The following CD109 variants were observed in gnomAD, a reference collection of about 807,000 sequenced individuals.
The protein encoded by CD109 is CD109 molecule.
CD109 carries 149 observed loss-of-function variants against 165.8 expected under a neutral mutation model. That is an observed-to-expected ratio of 0.90 (90% CI 0.79 to 1.03). CD109 has a LOEUF of 1.03. Among genes scored for constraint, CD109 ranks in the 50% least tolerant of loss-of-function variants. The pLI, the probability that CD109 is intolerant of heterozygous loss-of-function variation, is 0.00. For missense variants in CD109, 1,712 were observed against 1,677.8 expected, an observed-to-expected ratio of 1.02 and a Z score of -0.36; for synonymous variants, 585 against 592.1, an observed-to-expected ratio of 0.99 and a Z score of 0.18.
At chr6:73,808,028 G>T in intron 25 of CD109, 55 bp from the exon 26 acceptor site, 1 of 1,505,524 alleles carries the variant, frequency 6.6e-7, no homozygotes, top group Non-Finnish European at 9.1e-7. Context: ...TTTTGTTTCA[G>T]TATGTGGTAA....
chr6:73,788,674 T>C lies in CD109; in HGVS notation c.2701+62T>C, dbSNP rs554121750. The C allele has an allele frequency of 2.8e-6, 4 of 1,435,134 alleles. No homozygotes were observed. The East Asian group carries it at 9.5e-5, about 34-fold the overall frequency. 88.9% of individuals were successfully genotyped at this position (1,435,134 alleles called of 1,614,324 possible). On this transcript the variant is annotated intron_variant, in intron 22 of 32. Coordinates refer to ENST00000287097, the MANE Select transcript of CD109 (RefSeq NM_133493.5). ...TGTATATGATCATATATGTTGTTCT[T>C]GTAATTATAGATGTATTTTCTTATT...
chr6:73,783,469 G>C (rs918937699), intron 18 of CD109, among the ~76,000 whole-genome samples: 6 of 152,136 alleles, frequency 3.9e-5, no homozygotes, highest in African/African-American at 1.4e-4. Flanking sequence ...AAATTTTGCA[G>C]GAAGATTTTA....
At chr6:73,753,304 G>A (rs1286887105) in intron 5 of CD109, among the ~76,000 whole-genome samples, 1 of 152,094 alleles carries the variant, frequency 6.6e-6, no homozygotes, top group African/African-American at 2.4e-5. Context: ...CAGTATCAGT[G>A]TTTTTGTGGT....
At chr6:73,797,002 T>C (rs1248604875) in intron 23 of CD109, among the ~76,000 whole-genome samples, 2 of 152,242 alleles carry the variant, frequency 1.3e-5, no homozygotes, top group Admixed American at 1.3e-4. Context: ...CTCTCTTTTT[T>C]CTTTTGCCAT....
intron 5 of CD109, among the ~76,000 whole-genome samples, chr6:73,747,905 A>T (rs1448181540): frequency 1.3e-5 from 2 of 150,984 alleles, no homozygotes; most frequent in East Asian, 3.9e-4. Flanking sequence ...TCCTACCCTG[A>T]GACAGAGTCT....
Position 73,781,331 on chromosome 6 carries a change from A to G in CD109, c.1963+12A>G. On this transcript the variant is annotated intron_variant, in intron 17 of 32. Coordinates refer to ENST00000287097, the MANE Select transcript of CD109 (RefSeq NM_133493.5). ...TATTGATGGTGTTTGTAAGTAATACATGGCGACATGCTTGTATTTGTCTTT... is the reference window on the plus strand; with the variant it reads ...TATTGATGGTGTTTGTAAGTAATACGTGGCGACATGCTTGTATTTGTCTTT... 4 of 1,605,322 alleles carry G rather than the reference A, an allele frequency of 2.5e-6. No individual in the cohort carries two copies. Among genetic ancestry groups the G allele is most frequent in the Non-Finnish European group, 3.4e-6 (4 of 1,172,212 alleles).
intron 23 of CD109, among the ~76,000 whole-genome samples, chr6:73,794,541 C>T (rs961428442): frequency 2.6e-5 from 4 of 152,112 alleles, no homozygotes; most frequent in African/African-American, 9.7e-5. Flanking sequence ...AGTAGATGAG[C>T]TGGAGTCAGT....
At chr6:73,739,364 T>C (rs1446210411) in intron 5 of CD109, among the ~76,000 whole-genome samples, 1 of 152,230 alleles carries the variant, frequency 6.6e-6, no homozygotes, top group East Asian at 1.9e-4. Context: ...TTTGTTTTTC[T>C]TTGACTACTG....
rs115222989 is a variant in CD109, at chr6:73,707,236, C to T, written c.247+9664C>T. 1.4e-3 allele frequency among the ~76,000 whole-genome samples: 219 copies of T among 152,160 alleles called. 2 individuals carry two copies. The highest frequency in any genetic ancestry group is 5.0e-3 in the African/African-American group (206 of 41,512). On this transcript the variant is annotated intron_variant, in intron 2 of 32. Coordinates refer to ENST00000287097, the MANE Select transcript of CD109 (RefSeq NM_133493.5). ...GTTGGGGAGTGTGGTATGAATGCTGCGAAGGATTCTGTAGCCCATCCATAA... is the reference window on the plus strand; with the variant it reads ...GTTGGGGAGTGTGGTATGAATGCTGTGAAGGATTCTGTAGCCCATCCATAA...
At chr6:73,690,784 A>ACACAAAG in the CD109 span, among the ~76,000 whole-genome samples, 3 of 152,236 alleles carry the variant, frequency 2.0e-5, no homozygotes, top group African/African-American at 7.2e-5. Flanking sequence ...GAAAAGTAGG[A>ACACAAAG]CACAAAGCAC....
At chr6:73,816,350 C>T (rs1475221478) in intron 30 of CD109, among the ~76,000 whole-genome samples, 2 of 152,176 alleles carry the variant, frequency 1.3e-5, no homozygotes, top group Non-Finnish European at 2.9e-5. Context: ...TAAACAATAA[C>T]AACCTACAGT....
At chr6:73,706,184 C>T (rs1332287692) in intron 2 of CD109, among the ~76,000 whole-genome samples, 1 of 152,128 alleles carries the variant, frequency 6.6e-6, no homozygotes, top group Non-Finnish European at 1.5e-5. Context: ...AACTTATTTA[C>T]CGACTTGTAA....
chr6:73,766,160 G>A lies in CD109; in HGVS notation c.1332+6G>A, dbSNP rs556126542. Reference sequence around the variant, plus strand: ...CCAGTGAGCTACAGTTGAAGGTGCCGTCTGTTTCCCATCATTGTGTCACTG... The same window carrying A: ...CCAGTGAGCTACAGTTGAAGGTGCCATCTGTTTCCCATCATTGTGTCACTG... On this transcript the variant is annotated splice_donor_region_variant and intron_variant, in intron 11 of 32. Transcript: ENST00000287097. 1.4e-5 allele frequency: 23 copies of A among 1,607,738 alleles called. No homozygotes were observed. Among genetic ancestry groups the A allele is most frequent in the Middle Eastern group, 1.7e-4 (1 of 6,050 alleles).
At chr6:73,695,003 A>T (rs1770770694), upstream of CD109, 1 of 152,238 alleles carries the variant, frequency 6.6e-6, no homozygotes, top group South Asian at 2.1e-4. Flanking sequence ...AAAGGGAGGA[A>T]AGCAAGTTTC....
chr6:73,771,532 AC>A lies in CD109; in HGVS notation c.1779del (p.Asp593GlufsTer4), dbSNP rs761392743. 2 of 1,610,048 alleles carry A rather than the reference AC, an allele frequency of 1.2e-6. No homozygotes were observed. Among genetic ancestry groups the A allele is most frequent in the Non-Finnish European group, 1.7e-6 (2 of 1,178,584 alleles). ...TCCATAGTTGGGATTGTAGCTGTTG[AC>A]AAAAGTGTGAATCTGATGAATGCCT... ...PDSIVGIVAV[D>X]KSVNLMNASN... On this transcript the variant is annotated frameshift_variant, in exon 15 of 33. Coordinates refer to ENST00000287097, the MANE Select transcript of CD109 (RefSeq NM_133493.5). LOFTEE classifies it high-confidence loss of function.
intron 5 of CD109, among the ~76,000 whole-genome samples, chr6:73,749,375 A>G (rs1322327975): frequency 6.6e-6 from 1 of 151,958 alleles, no homozygotes; most frequent in Non-Finnish European, 1.5e-5. Flanking sequence ...GCTGGAGGGG[A>G]CTGTAGGATT....
At chr6:73,734,706 A>T (rs1772482351) in intron 4 of CD109, among the ~76,000 whole-genome samples, 1 of 152,170 alleles carries the variant, frequency 6.6e-6, no homozygotes, top group Non-Finnish European at 1.5e-5. Context: ...TCAGCATTGT[A>T]CTTACCCCTA....
intron 10 of CD109, among the ~76,000 whole-genome samples, chr6:73,763,914 T>A (rs1773738407): frequency 6.6e-6 from 1 of 152,256 alleles, no homozygotes; most frequent in Non-Finnish European, 1.5e-5. Context: ...ATGTATTTTT[T>A]TTTACAAGCA....
At chr6:73,682,593 C>T in the CD109 span, among the ~76,000 whole-genome samples, 5 of 152,306 alleles carry the variant, frequency 3.3e-5, no homozygotes, top group East Asian at 1.9e-4. Context: ...GTCTGGAGGA[C>T]GTGGCCCTCT....
Sources: allele counts gnomAD v4.1 joint callset (sites outside exome capture counted in the v4.1 genomes callset), GRCh38; gene constraint gnomAD v4.1.1; transcripts MANE v1.5; gene names NCBI Gene and HGNC (gene_info 2026-07-23, HGNC 2026-07-21).